IMPG1: variants seen among roughly 807,000 people sequenced by gnomAD.
IMPG1 encodes interphotoreceptor matrix proteoglycan 1.
IMPG1 carries 85 observed loss-of-function variants against 92.0 expected under a neutral mutation model. The ratio of observed to expected loss-of-function variants is 0.92; its 90% CI spans 0.78 to 1.11. The LOEUF is 1.11. Ranked by LOEUF, IMPG1 falls within the 50% of genes least tolerant of loss-of-function variation. The probability of loss-of-function intolerance (pLI) is 0.00; values close to 1 mark genes in which losing one functional copy is unlikely to be tolerated. For synonymous variants in IMPG1, 367 were observed against 334.1 expected (o/e 1.10, Z -1.08); for missense variants, 1,022 against 956.0 (o/e 1.07, Z -0.91).
At chr6:75,948,437 G>A (rs551756339) in intron 13 of IMPG1, among the ~76,000 whole-genome samples, 21 of 152,298 alleles carry the variant, frequency 1.4e-4, no homozygotes, top group African/African-American at 4.8e-4. Context: ...CCTCCTAGGT[G>A]TGACCCACAC....
intron 14 of IMPG1, among the ~76,000 whole-genome samples, chr6:75,937,673 T>A (rs1318007509): frequency 1.3e-5 from 2 of 152,208 alleles, no homozygotes; most frequent in Non-Finnish European, 2.9e-5. Context: ...ACTATTATTA[T>A]CATTATTGTG....
At chr6:76,071,936 C>T (rs1784408736) in intron 1 of IMPG1, among the ~76,000 whole-genome samples, 1 of 152,080 alleles carries the variant, frequency 6.6e-6, no homozygotes, top group Non-Finnish European at 1.5e-5. Flanking sequence ...TGGTTGTCAT[C>T]ATGAACCCTG....
At position 75,930,163 on chromosome 6, in the gene IMPG1, C is replaced by T. The variant is rs186169651; in HGVS notation, c.2243+790G>A. On this transcript the variant is annotated intron_variant, in intron 15 of 16. Coordinates refer to ENST00000369950, the MANE Select transcript of IMPG1 (RefSeq NM_001563.4). ...CCTTTGTATCTTGCCTCCTTTTCCT[C>T]CTTCTCAAAAGCTTCTCTTACCCTT... 5.1e-3 allele frequency among the ~76,000 whole-genome samples: 783 copies of T among 152,248 alleles called. 3 individuals carry two copies. The highest frequency in any genetic ancestry group is 9.4e-3 in the Non-Finnish European group (642 of 68,012).
intron 12 of IMPG1, among the ~76,000 whole-genome samples, chr6:75,972,737 C>T (rs1782444179): frequency 1.3e-5 from 2 of 152,140 alleles, no homozygotes; most frequent in Non-Finnish European, 2.9e-5. Flanking sequence ...ATCCATTCTT[C>T]AGTCATTCTT....
chr6:75,964,675 CAAAAA>C (rs75154439), intron 12 of IMPG1, among the ~76,000 whole-genome samples: 1 of 81,810 alleles, frequency 1.2e-5, no homozygotes, highest in Non-Finnish European at 2.4e-5. Context: ...AGACTAGTCT[CAAAAA>C]AAAAAAAAAA....
In IMPG1 at chr6:75,947,551, G is replaced by A. The variant is rs375810046; in HGVS notation, c.1825-18C>T. 4.0e-5 allele frequency: 64 copies of A among 1,582,900 alleles called. No individual in the cohort carries two copies. Among genetic ancestry groups the A allele is most frequent in the Non-Finnish European group, 5.3e-5 (61 of 1,154,306 alleles). Reference sequence around the variant, plus strand: ...GGAACCAGCTGCAAAATAAAAGATGGTTTCCTCTTAACTGTGTTCTAAGTG... The same window carrying A: ...GGAACCAGCTGCAAAATAAAAGATGATTTCCTCTTAACTGTGTTCTAAGTG... On this transcript the variant is annotated intron_variant, in intron 13 of 16. Coordinates refer to ENST00000369950, the MANE Select transcript of IMPG1 (RefSeq NM_001563.4).
intron 14 of IMPG1, chr6:75,935,071 T>G: frequency 2.1e-6 from 1 of 467,850 alleles, no homozygotes; most frequent in South Asian, 1.6e-5. Flanking sequence ...TTTTTTCCAA[T>G]GCGATGAAAC....
chr6:75,968,464 G>A (rs574019620), intron 12 of IMPG1, among the ~76,000 whole-genome samples: 2 of 150,520 alleles, frequency 1.3e-5, no homozygotes, highest in South Asian at 4.1e-4. Context: ...CTTTTGTGAA[G>A]ATACTTCTAT....
intron 1 of IMPG1, among the ~76,000 whole-genome samples, chr6:76,068,346 G>A (rs1037420300): frequency 4.6e-5 from 7 of 151,996 alleles, no homozygotes; most frequent in Admixed American, 2.6e-4. Context: ...AAAGGTTTGG[G>A]ATACAAAATC....
intron 12 of IMPG1, among the ~76,000 whole-genome samples, chr6:75,974,764 C>T (rs1782507998): frequency 6.6e-6 from 1 of 152,142 alleles, no homozygotes; most frequent in Admixed American, 6.5e-5. Context: ...GATCTGCCTG[C>T]CTTGGCCTCC....
Position 75,939,129 on chromosome 6 carries a change from G to A in IMPG1, c.2045-7978C>T, listed in dbSNP as rs1042825349. Among the ~76,000 whole-genome samples the A allele has an allele frequency of 3.3e-5, 5 of 152,160 alleles. No homozygotes were observed. In the East Asian group the frequency reaches 5.8e-4, roughly 18 times the overall value. On this transcript the variant is annotated intron_variant, in intron 14 of 16. Coordinates refer to ENST00000369950, the MANE Select transcript of IMPG1 (RefSeq NM_001563.4). ...GCTGGGATTACAGGCGTGAGCCACCGCTCCCAGCCTTCACTAAACTTAAGA... is the reference window on the plus strand; with the variant it reads ...GCTGGGATTACAGGCGTGAGCCACCACTCCCAGCCTTCACTAAACTTAAGA...
chr6:76,012,491 G>A (rs1358043845), intron 7 of IMPG1, among the ~76,000 whole-genome samples: 2 of 152,172 alleles, frequency 1.3e-5, no homozygotes, highest in Non-Finnish European at 1.5e-5. Context: ...CTGGAAGCTC[G>A]ACTGTAGATG....
chr6:75,999,777 A>T (rs183554035), intron 12 of IMPG1, among the ~76,000 whole-genome samples: 1 of 152,360 alleles, frequency 6.6e-6, no homozygotes, highest in African/African-American at 2.4e-5. Flanking sequence ...GCTCAATACA[A>T]ATCACAAGCT....
intron 12 of IMPG1, among the ~76,000 whole-genome samples, chr6:75,973,828 G>T (rs1284159504): frequency 1.3e-5 from 2 of 152,164 alleles, no homozygotes; most frequent in African/African-American, 4.8e-5. Context: ...GACACATAGG[G>T]TACTTTGGGA....
At chr6:75,931,244 A>G (rs114603210) in intron 14 of IMPG1, 93 bp from the exon 15 acceptor site, 131 of 1,183,078 alleles carry the variant, frequency 1.1e-4, no homozygotes, top group African/African-American at 6.2e-4. Flanking sequence ...TACATTTGCT[A>G]TTACCTCATT....
intron 1 of IMPG1, among the ~76,000 whole-genome samples, chr6:76,065,719 G>C (rs965186604): frequency 4.6e-5 from 7 of 151,958 alleles, no homozygotes; most frequent in Admixed American, 1.3e-4. Context: ...GTTATAAGAG[G>C]CTCAGAGAAC....
At chr6:76,043,852 G>T (rs578258327) in intron 1 of IMPG1, among the ~76,000 whole-genome samples, 2 of 152,242 alleles carry the variant, frequency 1.3e-5, no homozygotes, top group African/African-American at 4.8e-5. Flanking sequence ...TGTCATCCTC[G>T]GGCAGGCTTC....
intron 6 of IMPG1, among the ~76,000 whole-genome samples, chr6:76,021,799 A>ATATATATATATG (rs1783430428): frequency 7.2e-6 from 1 of 139,364 alleles, no homozygotes; most frequent in African/African-American, 2.7e-5. Flanking sequence ...ATATATATAT[A>ATATATATATATG]TATGGTTTTG....
intron 12 of IMPG1, among the ~76,000 whole-genome samples, chr6:75,977,906 T>C (rs1276495430): frequency 1.3e-5 from 2 of 152,012 alleles, no homozygotes; most frequent in East Asian, 3.8e-4. Flanking sequence ...AAAAAGTGCT[T>C]CCATATATTT....
Sources: allele counts gnomAD v4.1 joint callset (sites outside exome capture counted in the v4.1 genomes callset), GRCh38; gene constraint gnomAD v4.1.1; transcripts MANE v1.5; gene names NCBI Gene and HGNC (gene_info 2026-07-23, HGNC 2026-07-21).